Variants in AFF3 observed in about 807,000 individuals in gnomAD.
AFF3 encodes ALF transcription elongation factor 3, also known as AF4/FMR2 family member 3.
Under a neutral mutation model 129.7 loss-of-function variants are expected in AFF3, and 32 were observed. The observed-to-expected ratio is 0.25, with a 90% CI of 0.19 to 0.33. The LOEUF is 0.33. Among genes scored for constraint, AFF3 ranks in the 10% least tolerant of loss-of-function variants. The probability of loss-of-function intolerance (pLI) is 1.00; values close to 1 mark genes in which losing one functional copy is unlikely to be tolerated. For missense variants in AFF3, 1,373 were observed against 1,592.0 expected, an observed-to-expected ratio of 0.86 and a Z score of 2.34; for synonymous variants, 644 against 635.4, an observed-to-expected ratio of 1.01 and a Z score of -0.20.
At chr2:99,890,342 T>A (rs1693455156) in intron 7 of AFF3, among the ~76,000 whole-genome samples, 1 of 152,250 alleles carries the variant, frequency 6.6e-6, no homozygotes, top group African/African-American at 2.4e-5. Flanking sequence ...TTCTCATGCC[T>A]AGCTCTATAC....
chr2:99,749,563 T>C (rs1483773018), intron 9 of AFF3, among the ~76,000 whole-genome samples: 2 of 152,264 alleles, frequency 1.3e-5, no homozygotes, highest in Admixed American at 6.5e-5. Context: ...GCAAAGATTC[T>C]AAGCATTGTG....
intron 7 of AFF3, among the ~76,000 whole-genome samples, chr2:99,890,229 C>T (rs1378262153): frequency 6.6e-6 from 1 of 152,078 alleles, no homozygotes; most frequent in Non-Finnish European, 1.5e-5. Flanking sequence ...CCACTTCCAC[C>T]CAATGAGGCA....
intron 7 of AFF3, among the ~76,000 whole-genome samples, chr2:99,937,539 C>T (rs541117548): frequency 6.6e-6 from 1 of 152,286 alleles, no homozygotes; most frequent in African/African-American, 2.4e-5. Flanking sequence ...GCTGGGACTA[C>T]AGGCGCCTGC....
chr2:99,591,948 T>C (rs531032883), intron 15 of AFF3, among the ~76,000 whole-genome samples: 18 of 152,330 alleles, frequency 1.2e-4, no homozygotes, highest in African/African-American at 4.3e-4. Flanking sequence ...ATAAAGTGCC[T>C]AGAGCAGCAT....
At chr2:99,722,636 A>G (rs1444718333) in intron 11 of AFF3, among the ~76,000 whole-genome samples, 1 of 152,230 alleles carries the variant, frequency 6.6e-6, no homozygotes. Context: ...CAGCAGCTGA[A>G]AAGAGTCTCT....
chr2:99,657,196 A>C (rs1186162197), intron 12 of AFF3, among the ~76,000 whole-genome samples: 1 of 152,182 alleles, frequency 6.6e-6, no homozygotes, highest in Non-Finnish European at 1.5e-5. Context: ...GAATCCTTCT[A>C]ATTCCTAATG....
chr2:99,967,858 C>T lies in AFF3; in HGVS notation c.873+38774G>A, dbSNP rs181725914. On this transcript the variant is annotated intron_variant, in intron 7 of 24. Coordinates refer to ENST00000672756, the MANE Select transcript of AFF3 (RefSeq NM_001386135.1). Reference sequence around the variant, plus strand: ...GCCCAAGGTCACCTGTGTGTGCCTACGCTCTTGCAACAGTTTCCTAGCTGG... The same window carrying T: ...GCCCAAGGTCACCTGTGTGTGCCTATGCTCTTGCAACAGTTTCCTAGCTGG... Among the ~76,000 whole-genome samples, 83 of 152,350 alleles carry T rather than the reference C, an allele frequency of 5.4e-4. No homozygotes were observed. The East Asian group carries it at 0.014, about 25-fold the overall frequency.
chr2:99,679,293 C>G (rs1674303616), intron 11 of AFF3, among the ~76,000 whole-genome samples: 1 of 152,186 alleles, frequency 6.6e-6, no homozygotes. Context: ...GATCCTGTAA[C>G]TCTGCCATGT....
rs570577284 is a variant in AFF3, at chr2:100,051,144, GTCT to G, written c.54-42215_54-42213del. On this transcript the variant is annotated intron_variant, in intron 4 of 24. Coordinates refer to ENST00000672756, the MANE Select transcript of AFF3 (RefSeq NM_001386135.1). ...TCCACCTCAAATAGTCATTCAGGTA[GTCT>G]TCTTTAAATGTGGTTATCCTGCCGG... 5.9e-3 allele frequency among the ~76,000 whole-genome samples: 901 copies of G among 152,270 alleles called. 8 individuals carry two copies. Among genetic ancestry groups the G allele is most frequent in the African/African-American group, 0.021 (866 of 41,562 alleles).
At position 99,868,017 on chromosome 2, in the gene AFF3, CT is replaced by C. The variant is rs397779127; in HGVS notation, c.874-30494del. Among the ~76,000 whole-genome samples, 284 of 144,006 alleles carry C rather than the reference CT, an allele frequency of 2.0e-3. 1 individual carries two copies. Among genetic ancestry groups the C allele is most frequent in the Middle Eastern group, 7.1e-3 (2 of 280 alleles). The allele number at this position is 144,006 out of a possible 152,430, so 94.5% of individuals were successfully genotyped here. A position where few individuals can be genotyped will look rare whatever the true frequency, so the allele number is the denominator to read the frequency against. On this transcript the variant is annotated intron_variant, in intron 7 of 24. Transcript: ENST00000672756. ...TAACACCCACGACTCTCTTTCTTTC[CT>C]TTTTTTTTTTTTTTAGGTCCTTTGA...
intron 7 of AFF3, among the ~76,000 whole-genome samples, chr2:99,982,548 C>G (rs1381236482): frequency 6.6e-6 from 1 of 152,112 alleles, no homozygotes. Flanking sequence ...ATAAACATAA[C>G]AGAAAAATGC....
intron 7 of AFF3, among the ~76,000 whole-genome samples, chr2:99,874,038 G>A (rs111271570): frequency 4.6e-3 from 705 of 152,250 alleles, no homozygotes; most frequent in Non-Finnish European, 7.9e-3. Flanking sequence ...TTAGCCGGGC[G>A]TGGTGGTGGA....
intron 11 of AFF3, among the ~76,000 whole-genome samples, chr2:99,684,811 C>A (rs192608259): frequency 6.6e-6 from 1 of 151,822 alleles, no homozygotes; most frequent in African/African-American, 2.4e-5. Context: ...ACTTTTGCAG[C>A]ACTTTGCATA....
At chr2:99,822,669 A>G (rs548009700) in intron 8 of AFF3, among the ~76,000 whole-genome samples, 1 of 152,228 alleles carries the variant, frequency 6.6e-6, no homozygotes, top group East Asian at 1.9e-4. Context: ...ATCTTTCTAG[A>G]TGGCTCCGCT....
chr2:99,860,742 T>A (rs1690925596), intron 7 of AFF3, among the ~76,000 whole-genome samples: 1 of 151,184 alleles, frequency 6.6e-6, no homozygotes, highest in African/African-American at 2.4e-5. Flanking sequence ...AAAAAAAAAA[T>A]TAAATTGACA....
At chr2:99,750,444 G>A (rs1032142929) in intron 9 of AFF3, among the ~76,000 whole-genome samples, 9 of 130,606 alleles carry the variant, frequency 6.9e-5, no homozygotes, top group Non-Finnish European at 1.2e-4. Context: ...AGACAGCGTC[G>A]TGCTCTGTCA....
At chr2:99,558,526 A>T (rs762893653) in intron 22 of AFF3, among the ~76,000 whole-genome samples, 2 of 152,196 alleles carry the variant, frequency 1.3e-5, no homozygotes, top group Non-Finnish European at 2.9e-5. Flanking sequence ...AGGCTGAGGC[A>T]GGAGAATTGC....
chr2:100,001,208 T>C (rs924694008), intron 7 of AFF3, among the ~76,000 whole-genome samples: 35 of 152,320 alleles, frequency 2.3e-4, no homozygotes, highest in Middle Eastern at 3.4e-3. Flanking sequence ...CCACGCTTTC[T>C]GGTCAGTGGT....
intron 7 of AFF3, among the ~76,000 whole-genome samples, chr2:99,928,090 C>T (rs1394025416): frequency 6.6e-6 from 1 of 152,200 alleles, no homozygotes; most frequent in Non-Finnish European, 1.5e-5. Context: ...ATTGTGAGGC[C>T]TCCCTAGCCA....
Sources: gnomAD v4.1 joint callset for allele counts (sites outside exome capture counted in the v4.1 genomes callset) on GRCh38, gnomAD v4.1.1 for gene constraint, MANE v1.5 for transcripts, NCBI Gene and HGNC (gene_info 2026-07-23, HGNC 2026-07-21) for gene names.